The following PAWR variants were observed in gnomAD, a reference collection of about 807,000 sequenced individuals.
PAWR encodes PRKC apoptosis WT1 regulator protein.
PAWR carries 23 observed loss-of-function variants against 32.0 expected under a neutral mutation model. That is an observed-to-expected ratio of 0.72 (90% CI 0.52 to 1.02). The LOEUF (loss-of-function observed/expected upper bound fraction) is 1.02, where lower values mean the gene tolerates loss of function less well. PAWR is among the 50% of genes least tolerant of loss of function. PAWR has a pLI of 0.00. For synonymous variants in PAWR, 226 were observed against 187.1 expected, an observed-to-expected ratio of 1.21 and a Z score of -1.70; for missense variants, 457 against 437.7, an observed-to-expected ratio of 1.04 and a Z score of -0.39.
chr12:79,613,860 C>T (rs926817869), intron 3 of PAWR, among the ~76,000 whole-genome samples: 6 of 135,404 alleles, frequency 4.4e-5, no homozygotes, highest in Non-Finnish European at 7.9e-5. Context: ...TGGACAAGGC[C>T]GGGGGCATCA....
chr12:79,639,861 CCTATTCCTATTCCTATTCCTATT>C, intron 2 of PAWR, among the ~76,000 whole-genome samples: 1 of 119,982 alleles, frequency 8.3e-6, no homozygotes, highest in African/African-American at 3.8e-5. Context: ...TATTCCTATT[CCTATTCCTATTCCTATTCCTATT>C]CCATTCCATT....
At chr12:79,633,363 G>A in intron 2 of PAWR, among the ~76,000 whole-genome samples, 1 of 151,984 alleles carries the variant, frequency 6.6e-6, no homozygotes. Flanking sequence ...CCAAAGAAAT[G>A]TCAAATAAAC....
chr12:79,602,485 T>A (rs1282624911), intron 4 of PAWR, among the ~76,000 whole-genome samples: 1 of 152,058 alleles, frequency 6.6e-6, no homozygotes, highest in Non-Finnish European at 1.5e-5. Flanking sequence ...TAAGAGATGA[T>A]GGTGTCCTAG....
At chr12:79,617,562 A>G (rs1592503982) in intron 3 of PAWR, among the ~76,000 whole-genome samples, 1 of 148,666 alleles carries the variant, frequency 6.7e-6, no homozygotes, top group East Asian at 1.9e-4. Flanking sequence ...GTTAAAAAAA[A>G]ATCAACCTAT....
chr12:79,652,760 T>C (rs934432407), intron 2 of PAWR, among the ~76,000 whole-genome samples: 2 of 152,220 alleles, frequency 1.3e-5, no homozygotes, highest in South Asian at 4.1e-4. Flanking sequence ...GAGTGAAACC[T>C]GGCTTATAAG....
intron 2 of PAWR, among the ~76,000 whole-genome samples, chr12:79,623,357 T>C (rs1875121799): frequency 1.3e-5 from 2 of 152,170 alleles, no homozygotes; most frequent in South Asian, 4.1e-4. Flanking sequence ...GACATTGATG[T>C]CCACTATTAA....
chr12:79,687,231 T>C (rs1878724244), intron 2 of PAWR, among the ~76,000 whole-genome samples: 1 of 152,206 alleles, frequency 6.6e-6, no homozygotes, highest in South Asian at 2.1e-4. Context: ...ATAGCTAGTT[T>C]CGGTTTTTGA....
At chr12:79,664,661 G>GGA (rs1555177489) in intron 2 of PAWR, among the ~76,000 whole-genome samples, 1 of 148,942 alleles carries the variant, frequency 6.7e-6, no homozygotes, top group East Asian at 2.0e-4. Context: ...TCTTTGGCGG[G>GGA]GGGGGGAGGA....
At chr12:79,632,341 A>G (rs1178134574) in intron 2 of PAWR, among the ~76,000 whole-genome samples, 3 of 57,046 alleles carry the variant, frequency 5.3e-5, no homozygotes, top group Non-Finnish European at 7.5e-5. Context: ...ATATATATAT[A>G]TATATATATA....
rs893941496 is a variant in PAWR at position 79,635,405 on chromosome 12, C to A, written c.517-14198G>T. The stretch of plus-strand genomic sequence containing the variant: ...GATATTACTGGTTATGGAGCAGAAA[C>A]CTGGAATGCTACCCACATTGCAATT... On this transcript the variant is annotated intron_variant, in intron 2 of 6. Coordinates refer to ENST00000328827, the MANE Select transcript of PAWR (RefSeq NM_002583.4). 3 of 152,036 alleles carry A rather than the reference C, an allele frequency of 2.0e-5. No individual in the cohort carries two copies. The East Asian group carries it at 5.8e-4, about 29-fold the overall frequency. 9.4% of individuals were successfully genotyped at this position (152,036 alleles called of 1,614,324 possible).
chr12:79,670,731 T>G (rs886512598), intron 2 of PAWR, among the ~76,000 whole-genome samples: 33 of 151,614 alleles, frequency 2.2e-4, no homozygotes, highest in Non-Finnish European at 7.4e-5. Context: ...CAGTTCACAA[T>G]AAAAAAAAGG....
At chr12:79,637,182 A>G (rs762853666) in intron 2 of PAWR, among the ~76,000 whole-genome samples, 27 of 152,254 alleles carry the variant, frequency 1.8e-4, no homozygotes, top group Non-Finnish European at 3.8e-4. Context: ...GCTCCCTAAA[A>G]GGGGGATGGG....
At chr12:79,626,502 A>T (rs1170636580) in intron 2 of PAWR, among the ~76,000 whole-genome samples, 1 of 148,018 alleles carries the variant, frequency 6.8e-6, no homozygotes, top group Non-Finnish European at 1.5e-5. Context: ...CTCGTGATCC[A>T]CCCCCCACGG....
At chr12:79,664,661 G>A (rs569405931) in intron 2 of PAWR, among the ~76,000 whole-genome samples, 1 of 148,942 alleles carries the variant, frequency 6.7e-6, no homozygotes, top group Non-Finnish European at 1.5e-5. Context: ...TCTTTGGCGG[G>A]GGGGGGAGGA....
chr12:79,607,477 C>A (rs1392808851), intron 4 of PAWR, among the ~76,000 whole-genome samples: 6 of 152,078 alleles, frequency 3.9e-5, no homozygotes, highest in African/African-American at 1.4e-4. Context: ...ACCTGTAATT[C>A]CAGCACTTTG....
At chr12:79,690,456 T>C in intron 1 of PAWR, 65 bp from the exon 2 acceptor site, 1 of 1,067,110 alleles carries the variant, frequency 9.4e-7, no homozygotes, top group Admixed American at 4.1e-5. Context: ...CCCAAGGGTC[T>C]GCCCCCGGGC....
chr12:79,680,941 C>T (rs539333157), intron 2 of PAWR, among the ~76,000 whole-genome samples: 166 of 151,686 alleles, frequency 1.1e-3, no homozygotes, highest in African/African-American at 3.6e-3. Context: ...TACTGAGACC[C>T]CATCTCTACA....
At chr12:79,635,502 C>A (rs1875919103) in intron 2 of PAWR, 1 of 152,160 alleles carries the variant, frequency 6.6e-6, no homozygotes, top group East Asian at 1.9e-4. Flanking sequence ...GTTGAGTCAG[C>A]CAGCAGGTGA....
At chr12:79,634,486 G>A (rs946954128) in intron 2 of PAWR, among the ~76,000 whole-genome samples, 3 of 152,114 alleles carry the variant, frequency 2.0e-5, no homozygotes, top group African/African-American at 7.2e-5. Flanking sequence ...GTACATTCAG[G>A]AAGAGGGGAC....
Sources: allele counts gnomAD v4.1 joint callset (sites outside exome capture counted in the v4.1 genomes callset), GRCh38; gene constraint gnomAD v4.1.1; transcripts MANE v1.5; gene names NCBI Gene and HGNC (gene_info 2026-07-23, HGNC 2026-07-21).